The following NFX1 variants were observed in gnomAD, a reference collection of about 807,000 sequenced individuals.
NFX1 encodes the protein transcriptional repressor NF-X1.
Under a neutral mutation model 137.2 loss-of-function variants are expected in NFX1, and 69 were observed. That is an observed-to-expected ratio of 0.50 (90% CI 0.41 to 0.61). The LOEUF is 0.61. Among genes scored for constraint, NFX1 ranks in the 20% least tolerant of loss-of-function variants. NFX1 has a pLI of 0.00. For missense variants in NFX1, 1,167 were observed against 1,391.0 expected, an observed-to-expected ratio of 0.84 and a Z score of 2.56; for synonymous variants, 495 against 474.1, an observed-to-expected ratio of 1.04 and a Z score of -0.57.
chr9:33,311,369 A>G (rs991019890), intron 6 of NFX1, among the ~76,000 whole-genome samples, 192 bp downstream of exon 6: 1 of 152,242 alleles, frequency 6.6e-6, no homozygotes, highest in African/African-American at 2.4e-5. Context: ...GGAAAGTACA[A>G]CTTGGAAGAG....
At chr9:33,337,905 C>T (rs904511392) in intron 11 of NFX1, among the ~76,000 whole-genome samples, 25 of 151,842 alleles carry the variant, frequency 1.6e-4, no homozygotes, top group African/African-American at 4.3e-4. Context: ...AAAAATTAGC[C>T]GGGCGTGGTG....
At chr9:33,324,257 T>TAAC (rs757030709) in intron 9 of NFX1, among the ~76,000 whole-genome samples, 3 of 152,144 alleles carry the variant, frequency 2.0e-5, no homozygotes, top group Non-Finnish European at 4.4e-5. Context: ...CACACGCCTG[T>TAAC]AATCCTGGCT....
chr9:33,356,692 T>C (rs776112396), intron 19 of NFX1, among the ~76,000 whole-genome samples: 24 of 152,158 alleles, frequency 1.6e-4, no homozygotes, highest in Non-Finnish European at 2.9e-4. Flanking sequence ...AAGGAGAGTT[T>C]ACAATTCAGC....
At chr9:33,302,967 CTTTTT>C (rs35723578) in intron 3 of NFX1, among the ~76,000 whole-genome samples, 2 of 119,296 alleles carry the variant, frequency 1.7e-5, no homozygotes, top group South Asian at 5.5e-4. Context: ...CACACCTGGC[CTTTTT>C]TTTTTTTTTT....
intron 2 of NFX1, among the ~76,000 whole-genome samples, chr9:33,297,833 A>T (rs369935401): frequency 6.6e-6 from 1 of 152,048 alleles, no homozygotes; most frequent in African/African-American, 2.4e-5. Context: ...TTTGATTTTC[A>T]ACTCTTTTAA....
At chr9:33,322,884 A>T (rs1157280977) in intron 9 of NFX1, among the ~76,000 whole-genome samples, 1 of 152,240 alleles carries the variant, frequency 6.6e-6, no homozygotes, top group South Asian at 2.1e-4. Context: ...CATCTAGTTC[A>T]TCAGAGAGAA....
Position 33,295,031 on chromosome 9 carries a change from G to T in NFX1, c.637G>T (p.Val213Phe), listed in dbSNP as rs767807735. Residue 213 changes from valine (V) to phenylalanine (F), a missense_variant, in exon 2 of 24, where the codon GTT (valine) becomes TTT (phenylalanine). Physicochemically the swap from Val to Phe is conservative, Grantham distance 50 (BLOSUM62 -1). This residue lies in a region of NFX1 where 367 missense variants were observed against 386.7 expected (regional missense o/e 0.95). Coordinates refer to ENST00000379540, the MANE Select transcript of NFX1 (RefSeq NM_002504.6). ...ACCCGAAAGTACCAAACCTGTGGGGGTTTTCCACCCTGACTCTTCAGAGGC... is the reference window on the plus strand; with the variant it reads ...ACCCGAAAGTACCAAACCTGTGGGGTTTTTCCACCCTGACTCTTCAGAGGC... ...AGPESTKPVG[V>F]FHPDSSEASS... The T allele has an allele frequency of 3.1e-6, 5 of 1,614,106 alleles. No homozygotes were observed. Among genetic ancestry groups the T allele is most frequent in the Non-Finnish European group, 4.2e-6 (5 of 1,180,026 alleles).
At chr9:33,343,441 T>C (rs1051685489) in intron 13 of NFX1, among the ~76,000 whole-genome samples, 4 of 152,196 alleles carry the variant, frequency 2.6e-5, no homozygotes, top group Non-Finnish European at 4.4e-5. Context: ...TACTTCTGCA[T>C]CCAGTCTGTC....
At chr9:33,350,430 G>T (rs1299451706) in intron 15 of NFX1, among the ~76,000 whole-genome samples, 2 of 152,142 alleles carry the variant, frequency 1.3e-5, no homozygotes, top group South Asian at 4.1e-4. Context: ...TGCTTTAGCA[G>T]TTCAGAAAGG....
intron 12 of NFX1, among the ~76,000 whole-genome samples, chr9:33,339,858 C>T (rs905207801): frequency 1.3e-5 from 2 of 152,226 alleles, no homozygotes; most frequent in African/African-American, 2.4e-5. Context: ...AAATGCTCTC[C>T]TTTGACTCCA....
intron 7 of NFX1, among the ~76,000 whole-genome samples, chr9:33,317,657 T>C (rs1238292468): frequency 6.6e-6 from 1 of 150,658 alleles, no homozygotes; most frequent in East Asian, 1.9e-4. Context: ...AGTGAGATCC[T>C]GTCTTTAAAA....
intron 2 of NFX1, among the ~76,000 whole-genome samples, chr9:33,298,181 G>A (rs1821426465): frequency 6.6e-6 from 1 of 152,208 alleles, no homozygotes; most frequent in Non-Finnish European, 1.5e-5. Flanking sequence ...TAAGAAGACA[G>A]AGTGACAAGA....
At chr9:33,355,115 A>G (rs531341111) in intron 19 of NFX1, among the ~76,000 whole-genome samples, 52 of 152,234 alleles carry the variant, frequency 3.4e-4, no homozygotes, top group Non-Finnish European at 6.3e-4. Flanking sequence ...GGTTTTGGGC[A>G]TGATATAAAC....
chr9:33,338,638 G>A (rs775866659), intron 12 of NFX1, 49 bp downstream of exon 12: 7 of 1,484,042 alleles, frequency 4.7e-6, no homozygotes, highest in Non-Finnish European at 6.4e-6. Flanking sequence ...CCAGGTGCTG[G>A]GCTTCTGGAA....
intron 23 of NFX1, among the ~76,000 whole-genome samples, chr9:33,369,225 C>T (rs1016587655): frequency 1.3e-5 from 2 of 152,006 alleles, no homozygotes; most frequent in Non-Finnish European, 2.9e-5. Flanking sequence ...GCCACCACGC[C>T]CGGCTAATTT....
intron 1 of NFX1, among the ~76,000 whole-genome samples, chr9:33,293,293 A>T (rs1821227264): frequency 6.6e-6 from 1 of 152,244 alleles, no homozygotes; most frequent in Non-Finnish European, 1.5e-5. Flanking sequence ...TGCCTGGCAC[A>T]TAATACCTAA....
At chr9:33,316,654 C>A (rs1156367774) in intron 7 of NFX1, among the ~76,000 whole-genome samples, 1 of 152,130 alleles carries the variant, frequency 6.6e-6, no homozygotes, top group Non-Finnish European at 1.5e-5. Flanking sequence ...TCCCTTTCAG[C>A]CTTATCTAGA....
chr9:33,362,914 G>T (rs1421757670), intron 19 of NFX1, among the ~76,000 whole-genome samples: 1 of 151,980 alleles, frequency 6.6e-6, no homozygotes, highest in Admixed American at 6.6e-5. Context: ...ATGTTGGTCA[G>T]GCTGGTCTCG....
chr9:33,314,046 T>C (rs766537287), intron 7 of NFX1, among the ~76,000 whole-genome samples: 18 of 152,042 alleles, frequency 1.2e-4, no homozygotes, highest in Non-Finnish European at 2.4e-4. Flanking sequence ...TGCAGTGGCG[T>C]GATCCTAGCT....
Sources: gnomAD v4.1 joint callset for allele counts (sites outside exome capture counted in the v4.1 genomes callset) on GRCh38, gnomAD v4.1.1 for gene constraint, gnomAD v4.1.1 regional missense constraint, MANE v1.5 for transcripts, NCBI Gene and HGNC (gene_info 2026-07-23, HGNC 2026-07-21) for gene names.